WWOX: variants seen among roughly 807,000 people sequenced by gnomAD.
The protein encoded by WWOX is WW domain-containing oxidoreductase.
In WWOX, 69 loss-of-function variants were observed where a neutral mutation model predicts 46.2. The observed-to-expected ratio is 1.49, with a 90% CI of 1.23 to 1.82. The LOEUF (loss-of-function observed/expected upper bound fraction) is 1.82, where lower values mean the gene tolerates loss of function less well. Among genes scored for constraint, WWOX ranks in the 40% most tolerant of loss-of-function variants. The probability of loss-of-function intolerance (pLI) is 0.00; values close to 1 mark genes in which losing one functional copy is unlikely to be tolerated. For missense variants in WWOX, 919 were observed against 542.6 expected (o/e 1.69, Z -6.89); for synonymous variants, 359 against 202.6 (o/e 1.77, Z -6.56).
intron 8 of WWOX, among the ~76,000 whole-genome samples, chr16:78,502,815 T>C (rs916467366): frequency 6.6e-5 from 10 of 152,226 alleles, no homozygotes; most frequent in Non-Finnish European, 1.5e-4. Flanking sequence ...TGGTGATTTT[T>C]TTCATGCTCT....
chr16:78,406,610 A>C (rs1393782055), intron 6 of WWOX, among the ~76,000 whole-genome samples: 1 of 149,352 alleles, frequency 6.7e-6, no homozygotes, highest in African/African-American at 2.5e-5. Flanking sequence ...TGGCCTTCCA[A>C]AGTGCTGGGA....
intron 6 of WWOX, among the ~76,000 whole-genome samples, chr16:78,388,561 C>T (rs1354909676): frequency 7.3e-6 from 1 of 136,246 alleles, no homozygotes; most frequent in Non-Finnish European, 1.5e-5. Flanking sequence ...GCAGGAAAAT[C>T]GCTTGAACCT....
chr16:78,904,147 A>G (rs745651643), intron 8 of WWOX, among the ~76,000 whole-genome samples: 1 of 152,142 alleles, frequency 6.6e-6, no homozygotes, highest in African/African-American at 2.4e-5. Context: ...ACAGATGTAA[A>G]GTCCAACTGT....
In WWOX at chr16:78,570,802, A is replaced by G. The variant is rs1306083593; in HGVS notation, c.1056+138050A>G. ...GATACATTTTCAGAAACAAACAAAC[A>G]TGGCACTGGGCTGGAAATGAATGGC... On this transcript the variant is annotated intron_variant, in intron 8 of 8. Coordinates refer to ENST00000566780, the MANE Select transcript of WWOX (RefSeq NM_016373.4). Among the ~76,000 whole-genome samples the G allele has an allele frequency of 2.6e-5, 4 of 152,110 alleles. No homozygotes were observed. The East Asian group carries it at 5.8e-4, about 22-fold the overall frequency.
chr16:78,377,958 A>G (rs1290204510), intron 5 of WWOX, among the ~76,000 whole-genome samples: 3 of 151,940 alleles, frequency 2.0e-5, no homozygotes, highest in East Asian at 3.9e-4. Flanking sequence ...AGTTGTCATC[A>G]TTTTCTTATT....
At chr16:78,236,469 C>T (rs1332323366) in intron 5 of WWOX, among the ~76,000 whole-genome samples, 1 of 152,184 alleles carries the variant, frequency 6.6e-6, no homozygotes, top group Admixed American at 6.5e-5. Flanking sequence ...ATGGTTTGTC[C>T]TTTCCATGTC....
intron 8 of WWOX, among the ~76,000 whole-genome samples, chr16:78,865,129 G>A (rs913937130): frequency 6.6e-6 from 1 of 152,036 alleles, no homozygotes; most frequent in Non-Finnish European, 1.5e-5. Flanking sequence ...TATTACATAT[G>A]TTAATATGTA....
At chr16:78,245,333 A>G (rs961901731) in intron 5 of WWOX, among the ~76,000 whole-genome samples, 1 of 152,206 alleles carries the variant, frequency 6.6e-6, no homozygotes, top group African/African-American at 2.4e-5. Context: ...CGTCATTTCC[A>G]TGGCCACGAA....
chr16:78,759,978 A>T lies in WWOX; in HGVS notation c.1056+327226A>T, dbSNP rs563936101. Among the ~76,000 whole-genome samples the T allele has an allele frequency of 2.3e-3, 356 of 152,232 alleles. 2 individuals are homozygous for T. Among genetic ancestry groups the T allele is most frequent in the African/African-American group, 8.1e-3 (335 of 41,530 alleles). ...ACTCTGACCTTCTTGCTTCCCTCTT[A>T]CAATGACCCTTTTAATTGCATTAGG... On this transcript the variant is annotated intron_variant, in intron 8 of 8. Transcript: ENST00000566780.
chr16:78,772,657 C>T (rs774702161), intron 8 of WWOX, among the ~76,000 whole-genome samples: 1 of 152,210 alleles, frequency 6.6e-6, no homozygotes, highest in Non-Finnish European at 1.5e-5. Context: ...TAATTCCAGG[C>T]TTCAAGCCAC....
intron 8 of WWOX, among the ~76,000 whole-genome samples, chr16:79,010,017 AATGGGTCTTGAGT>A (rs1262269752): frequency 1.3e-5 from 2 of 152,168 alleles, no homozygotes; most frequent in Non-Finnish European, 2.9e-5. Context: ...AAGGAAGAAT[AATGGGTCTTGAGT>A]ATGCCTAGAA....
At chr16:78,118,351 CA>C (rs2032916794) in intron 4 of WWOX, among the ~76,000 whole-genome samples, 1 of 152,020 alleles carries the variant, frequency 6.6e-6, no homozygotes, top group Non-Finnish European at 1.5e-5. Context: ...GAGGAAATGT[CA>C]GAATAAAGCA....
In WWOX at chr16:78,425,007, G is replaced by A. The variant is rs2151960038; in HGVS notation, c.743G>A (p.Cys248Tyr). Residue 248 changes from cysteine to tyrosine, a missense_variant, in exon 7 of 9, where the codon TGC becomes TAC. By Grantham distance (194) the Cys-to-Tyr change is radical. Transcript: ENST00000566780. ...GTCCAGCTCCTCCAGGATGTTTTGT[G>A]CCGCTCAGCTCCTGCCCGTGTCATT... ...YLVQLLQDVL[C>Y]RSAPARVIVV... 1 of 1,614,094 alleles carries A rather than the reference G, an allele frequency of 6.2e-7. No homozygotes were observed. The highest frequency in any genetic ancestry group is 8.5e-7 in the Non-Finnish European group (1 of 1,180,028).
rs1034649621 is a variant in WWOX, at chr16:78,683,286, G to A, written c.1056+250534G>A. Among the ~76,000 whole-genome samples, 49 of 120,122 alleles carry A rather than the reference G, an allele frequency of 4.1e-4. 2 individuals are homozygous for A. The highest frequency in any genetic ancestry group is 1.3e-3 in the African/African-American group (46 of 34,876). 78.8% of individuals were successfully genotyped at this position (120,122 alleles called of 152,430 possible). ...AGCACTTTGGGAGGCTGAGGTGGGT[G>A]GATTGCCTGAGCTCAGGAGGGCGGG... On this transcript the variant is annotated intron_variant, in intron 8 of 8. Transcript: ENST00000566780.
At chr16:78,543,945 C>A (rs1021548320) in intron 8 of WWOX, among the ~76,000 whole-genome samples, 2 of 151,758 alleles carry the variant, frequency 1.3e-5, no homozygotes, top group Non-Finnish European at 2.9e-5. Flanking sequence ...AATTTCTTGT[C>A]AAAAAAAGAG....
intron 5 of WWOX, among the ~76,000 whole-genome samples, chr16:78,257,549 G>A (rs575911277): frequency 6.6e-6 from 1 of 152,256 alleles, no homozygotes; most frequent in Non-Finnish European, 1.5e-5. Flanking sequence ...AGAACCTGCA[G>A]GGAGCTCCGT....
intron 8 of WWOX, among the ~76,000 whole-genome samples, chr16:78,472,221 T>C (rs1255058492): frequency 6.6e-6 from 1 of 152,090 alleles, no homozygotes; most frequent in African/African-American, 2.4e-5. Flanking sequence ...ACTGGCTGCA[T>C]ATTGCATTCC....
At chr16:78,144,512 T>TACACACACACAC (rs1567596542) in intron 4 of WWOX, among the ~76,000 whole-genome samples, 4 of 40,698 alleles carry the variant, frequency 9.8e-5, no homozygotes, top group African/African-American at 3.4e-4. Context: ...TATATATATA[T>TACACACACACAC]ATATATATAT....
At chr16:78,794,648 C>T (rs9936415) in intron 8 of WWOX, among the ~76,000 whole-genome samples, 50,335 of 152,144 alleles carry the variant, frequency 0.33, 8,509 homozygotes, top group East Asian at 0.39. Flanking sequence ...CATAGCAAGA[C>T]CTTGGTAAGT....
Sources: gnomAD v4.1 joint callset for allele counts (sites outside exome capture counted in the v4.1 genomes callset) on GRCh38, gnomAD v4.1.1 for gene constraint, MANE v1.5 for transcripts, NCBI Gene and HGNC (gene_info 2026-07-23, HGNC 2026-07-21) for gene names.